MUC6: variants seen among roughly 807,000 people sequenced by gnomAD.
MUC6 encodes mucin-6.
MUC6 carries 188 observed loss-of-function variants against 201.5 expected under a neutral mutation model. The observed-to-expected ratio is 0.93, with a 90% CI of 0.83 to 1.05. The LOEUF is 1.05. Among genes scored for constraint, MUC6 ranks in the 50% least tolerant of loss-of-function variants. The probability of loss-of-function intolerance (pLI) is 0.00; values close to 1 mark genes in which losing one functional copy is unlikely to be tolerated. For synonymous variants in MUC6, 1,228 were observed against 1,389.4 expected (o/e 0.88, Z 2.58); for missense variants, 2,706 against 3,256.9 (o/e 0.83, Z 4.12).
chr11:1,026,471 G>A lies in MUC6; in HGVS notation c.2402C>T (p.Thr801Ile), dbSNP rs200554557. The change falls in exon 20 of 33, where the codon ACC becomes ATC. Residue 801 changes from threonine to isoleucine, a missense_variant. This residue lies in a region of MUC6 where 1,850 missense variants were observed against 1,958.3 expected (regional missense o/e 0.94). Transcript: ENST00000421673. The part of the protein sequence containing the change: ...MLATGVACVP[T>I]KCEPGCVCAE... ...GCAGACACAGCCAGGCTCACACTTG[G>A]TGGGCACCTGGAGGGAGGCAGGTCA... The A allele has an allele frequency of 1.3e-6, 2 of 1,591,952 alleles. No individual in the cohort carries two copies. Among genetic ancestry groups the A allele is most frequent in the East Asian group, 2.2e-5 (1 of 44,644 alleles).
chr11:1,023,974 C>T lies in MUC6; in HGVS notation c.3355G>A (p.Val1119Met), dbSNP rs368740728. ...CAGAAGGCCGGGGTCCTCCAGTCCA[C>T]GCACACACCCTTGTCCAGACAGGCT... ...AQACLDKGVC[V>M]DWRTPAFCPI... The change falls in exon 25 of 33, where the codon GTG becomes ATG. Residue 1119 changes from valine to methionine, a missense_variant. Val to Met is a conservative substitution (Grantham distance 21). Transcript: ENST00000421673. 88 of 1,612,588 alleles carry T rather than the reference C, an allele frequency of 5.5e-5. No individual in the cohort carries two copies. The highest frequency in any genetic ancestry group is 7.1e-5 in the Non-Finnish European group (84 of 1,179,672).
chr11:1,013,336 G>C lies in MUC6; in HGVS notation c.*120C>G. On this transcript the variant is annotated 3_prime_UTR_variant, in exon 33 of 33. Coordinates refer to ENST00000421673, the MANE Select transcript of MUC6 (RefSeq NM_005961.3). ...CAGGGAGCCACGGCCCAGGGCACTT[G>C]GGGGCCAGGCCTGGTGACCAGGAAA... 3.5e-6 allele frequency: 4 copies of C among 1,140,272 alleles called. No individual in the cohort carries two copies. Among genetic ancestry groups the C allele is most frequent in the Non-Finnish European group, 4.9e-6 (4 of 821,814 alleles). 70.6% of individuals were successfully genotyped at this position (1,140,272 alleles called of 1,614,324 possible). A position where few individuals can be genotyped will look rare whatever the true frequency, so the allele number is the denominator to read the frequency against.
chr11:1,013,748 C>A (rs1390194928), intron 32 of MUC6, 115 bp from the exon 33 acceptor site: 1 of 1,405,858 alleles, frequency 7.1e-7, no homozygotes, highest in Admixed American at 2.0e-5. Context: ...GCTCCCGGCT[C>A]ACAGGGGCCA....
chr11:1,030,522 G>C lies in MUC6; in HGVS notation c.892+51C>G, dbSNP rs368187317. 169 of 1,463,816 alleles carry C rather than the reference G, an allele frequency of 1.2e-4. 1 individual carries two copies. In the African/African-American group the frequency reaches 2.2e-3, roughly 19 times the overall value. The allele number at this position is 1,463,816 out of a possible 1,614,324, so 90.7% of individuals were successfully genotyped here. On this transcript the variant is annotated intron_variant, in intron 7 of 32. Transcript: ENST00000421673. Reference sequence around the variant, plus strand: ...GCAGTCCAGGGGCTGGGAGAGCTGGGTCTGGAGCCCTCGGCCTTCCTGCCC... The same window carrying C: ...GCAGTCCAGGGGCTGGGAGAGCTGGCTCTGGAGCCCTCGGCCTTCCTGCCC...
rs1370280624 is a variant in MUC6 at position 1,013,917 on chromosome 11, G to T, written c.7124C>A (p.Ala2375Asp). ...GACTCACCTGGCAGCGGAAATGCAGGCGCCCTCACAGCGGGTTACCGTCAC... is the reference window on the plus strand; with the variant it reads ...GACTCACCTGGCAGCGGAAATGCAGTCGCCCTCACAGCGGGTTACCGTCAC... ...ANVTVTRCEG[A>D]CISAASFNII... Residue 2375 changes from alanine (A) to aspartate (D), a missense_variant, in exon 32 of 33, where the codon GCC becomes GAC. By Grantham distance (126) the Ala-to-Asp change is moderately radical (BLOSUM62 -2). Coordinates refer to ENST00000421673, the MANE Select transcript of MUC6 (RefSeq NM_005961.3). The T allele has an allele frequency of 1.2e-6, 2 of 1,606,306 alleles. No homozygotes were observed. The highest frequency in any genetic ancestry group is 2.2e-5 in the South Asian group (2 of 89,744).
Position 1,029,336 on chromosome 11 carries a change from C to G in MUC6, c.1167G>C (p.Thr389=). 3 of 1,603,344 alleles carry G rather than the reference C, an allele frequency of 1.9e-6. No individual in the cohort carries two copies. Among genetic ancestry groups the G allele is most frequent in the Non-Finnish European group, 2.6e-6 (3 of 1,175,714 alleles). ...AGCAGTGTCCGGGGCACGGCCGCTC[C>G]GTGCACACCCAGCGGCCCAGGGTGC... ...CRCTLGRWVC[T]ERPCPGHCSL... The change falls in exon 10 of 33, where the codon ACG becomes ACC. Residue 389 remains threonine, a synonymous_variant. Transcript: ENST00000421673.
In MUC6 at chr11:1,015,781, T is replaced by G. The variant is rs1226851647; in HGVS notation, c.7020A>C (p.Thr2340=). 6.5e-7 allele frequency: 1 copy of G among 1,542,294 alleles called. No individual in the cohort carries two copies. The highest frequency in any genetic ancestry group is 1.4e-5 in the African/African-American group (1 of 73,066). The part of the protein sequence containing the change: ...PASAPVSSLG[T]PTPTSPGVCS... ...ACTTACCGGGTGAGGTGGGCGTAGG[T>G]GTCCCGAGAGAAGATACCGGGGCAG... is the stretch of plus-strand genomic sequence containing the variant. Residue 2340 remains threonine, a synonymous_variant, in exon 31 of 33, where the codon ACA becomes ACC. Transcript: ENST00000421673.
At chr11:1,020,059 C>T in intron 29 of MUC6, 31 bp downstream of exon 29, 1 of 1,610,144 alleles carries the variant, frequency 6.2e-7, no homozygotes, top group Non-Finnish European at 8.5e-7. Flanking sequence ...TGCAGCTGCC[C>T]TCTCCATGGG....
rs199782413 is a variant in MUC6, at chr11:1,018,564, C to T, written c.4237G>A (p.Gly1413Arg). The change falls in exon 31 of 33, where the codon GGG (glycine) becomes AGG (arginine). Residue 1413 changes from glycine to arginine, a missense_variant. Physicochemically the swap from Gly to Arg is moderately radical, Grantham distance 125. Transcript: ENST00000421673. ...GGACCTGTGGAAGGGACGGGACTCC[C>T]CGCCGTAGGCGGGGAGTGTGTGGTG... ...PHTTHSPPTAGSPVPSTGPVT... is the reference protein window; with the variant it reads ...PHTTHSPPTARSPVPSTGPVT... The T allele has an allele frequency of 9.4e-4, 1,476 of 1,568,392 alleles. 9 individuals carry two copies. In the Middle Eastern group the frequency reaches 0.015, roughly 16 times the overall value.
chr11:1,032,367 GGT>G lies in MUC6; in HGVS notation c.116-316_116-315del, dbSNP rs778019055. 9.1e-4 allele frequency among the ~76,000 whole-genome samples: 139 copies of G among 152,168 alleles called. 4 individuals carry two copies. In the South Asian group the frequency reaches 0.02, roughly 22 times the overall value. On this transcript the variant is annotated intron_variant, in intron 2 of 32. Transcript: ENST00000421673. ...CAGGTGTGTCCATGTGTGCATTGTGGGTGTGTGTGTGTTGGAGGGCTGTGTAG... is the reference window on the plus strand; with the variant it reads ...CAGGTGTGTCCATGTGTGCATTGTGGGTGTGTGTGTTGGAGGGCTGTGTAG...
intron 19 of MUC6, 107 bp downstream of exon 19, chr11:1,026,834 C>A: frequency 8.4e-7 from 1 of 1,194,386 alleles, no homozygotes; most frequent in Non-Finnish European, 1.2e-6. Context: ...GCCCCAGGCA[C>A]CCGCTGCAGG....
Position 1,018,302 on chromosome 11 carries a change from G to T in MUC6, c.4499C>A (p.Pro1500Gln), listed in dbSNP as rs1856721699. Residue 1500 changes from proline (P) to glutamine (Q), a missense_variant, in exon 31 of 33, where the codon CCA becomes CAA. Coordinates refer to ENST00000421673, the MANE Select transcript of MUC6 (RefSeq NM_005961.3). The stretch of plus-strand genomic sequence containing the variant: ...CCCACTGGTGGTCGGCGTTATTGGT[G>T]GGGCTGTGTGGGTGGACCCTGTGGC... ...LKATGSTHTAPPITPTTSGTS... is the reference protein window; with the variant it reads ...LKATGSTHTAQPITPTTSGTS... 6.2e-7 allele frequency: 1 copy of T among 1,613,932 alleles called. No individual in the cohort carries two copies. Among genetic ancestry groups the T allele is most frequent in the African/African-American group, 1.3e-5 (1 of 74,954 alleles).
At chr11:1,036,543 C>T in intron 1 of MUC6, 61 bp downstream of exon 1, 2 of 1,531,090 alleles carry the variant, frequency 1.3e-6, no homozygotes, top group Non-Finnish European at 1.8e-6. Context: ...GCCCAGAGAC[C>T]CCCGCACACA....
chr11:1,027,791 G>A lies in MUC6; in HGVS notation c.1875C>T (p.Tyr625=), dbSNP rs771291121. Residue 625 remains tyrosine (Y), a synonymous_variant, in exon 16 of 33, where the codon TAC becomes TAT. Coordinates refer to ENST00000421673, the MANE Select transcript of MUC6 (RefSeq NM_005961.3). The part of the protein sequence containing the change: ...YKRCVYQACN[Y]EETFPHICAA... ...CACAGATGTGGGGAAAGGTCTCCTC[G>A]TAGTTGCAGGCCTGGTACACGCACC... 75 of 1,610,926 alleles carry A rather than the reference G, an allele frequency of 4.7e-5. No homozygotes were observed. The highest frequency in any genetic ancestry group is 5.6e-5 in the Non-Finnish European group (66 of 1,179,456).
intron 31 of MUC6, among the ~76,000 whole-genome samples, chr11:1,014,974 C>T (rs192466537): frequency 6.8e-4 from 103 of 152,372 alleles, no homozygotes; most frequent in African/African-American, 2.3e-3. Context: ...CTTGCAGCAA[C>T]GAGCTGCCAC....
intron 7 of MUC6, 92 bp from the exon 8 acceptor site, chr11:1,030,427 T>C: frequency 8.4e-7 from 1 of 1,188,560 alleles, no homozygotes; most frequent in Non-Finnish European, 1.1e-6. Context: ...GCCCAGCCCT[T>C]CCTCCATCTA....
At position 1,013,462 on chromosome 11, in the gene MUC6, T is replaced by A. The variant is rs1856524477; in HGVS notation, c.7314A>T (p.Gly2438=). 1.3e-6 allele frequency: 2 copies of A among 1,579,326 alleles called. No individual in the cohort carries two copies. Among genetic ancestry groups the A allele is most frequent in the Non-Finnish European group, 8.6e-7 (1 of 1,164,240 alleles). ...SHCVCSSVAC[G]D ...AGAGCAGGCAGCGACCCTGCTAGTC[T>A]CCACAGGCCACAGAGCTGCACACGC... The change falls in exon 33 of 33, where the codon GGA becomes GGT. Residue 2438 remains glycine (G), a synonymous_variant. Transcript: ENST00000421673.
In MUC6 at chr11:1,028,284, C is replaced by T. The variant is rs201251403; in HGVS notation, c.1695G>A (p.Gly565=). Residue 565 remains glycine (G), a synonymous_variant, in exon 14 of 33, where the codon GGG becomes GGA. Transcript: ENST00000421673. ...CACGCTCCAGAGCGGCCGGACAGTT[C>T]CCCGCCCGCCAGGAGTCCACAAACA... is the stretch of plus-strand genomic sequence containing the variant. ...ASLFVDSWRA[G]NCPAALERET... is the part of the protein sequence containing the mutation. 6.9e-5 allele frequency: 111 copies of T among 1,605,856 alleles called. 1 individual carries two copies. In the African/African-American group the frequency reaches 1.3e-3, roughly 20 times the overall value.
At chr11:1,035,411 A>G (rs1427034368) in intron 1 of MUC6, among the ~76,000 whole-genome samples, 1 of 152,152 alleles carries the variant, frequency 6.6e-6, no homozygotes, top group African/African-American at 2.4e-5. Flanking sequence ...GTGTGCAGGT[A>G]GGGGCTGGGG....
Sources: gnomAD v4.1 joint callset for allele counts (sites outside exome capture counted in the v4.1 genomes callset) on GRCh38, gnomAD v4.1.1 for gene constraint, gnomAD v4.1.1 regional missense constraint, MANE v1.5 for transcripts, NCBI Gene and HGNC (gene_info 2026-07-23, HGNC 2026-07-21) for gene names.